The following DPY19L4 variants were observed in gnomAD, a reference collection of about 807,000 sequenced individuals.
DPY19L4 encodes the protein probable C-mannosyltransferase DPY19L4.
Under a neutral mutation model 102.8 loss-of-function variants are expected in DPY19L4, and 97 were observed. The ratio of observed to expected loss-of-function variants is 0.94; its 90% CI spans 0.80 to 1.12. The LOEUF is 1.12. Among genes scored for constraint, DPY19L4 ranks in the 50% most tolerant of loss-of-function variants. DPY19L4 has a pLI of 0.00. For missense variants in DPY19L4, 815 were observed against 850.4 expected (o/e 0.96, Z 0.52); for synonymous variants, 252 against 283.1 (o/e 0.89, Z 1.10).
chr8:94,754,159 T>C (rs1010964512), intron 6 of DPY19L4, among the ~76,000 whole-genome samples: 5 of 151,930 alleles, frequency 3.3e-5, no homozygotes, highest in African/African-American at 7.3e-5. Flanking sequence ...ACTCCAGCAA[T>C]TGGGGAGGGA....
At chr8:94,749,112 A>C (rs1355579098) in intron 6 of DPY19L4, among the ~76,000 whole-genome samples, 3 of 151,770 alleles carry the variant, frequency 2.0e-5, no homozygotes, top group African/African-American at 7.3e-5. Flanking sequence ...CACTATCACG[A>C]GAATAGCACG....
At chr8:94,787,479 T>A (rs1813704221) in intron 17 of DPY19L4, among the ~76,000 whole-genome samples, 1 of 152,108 alleles carries the variant, frequency 6.6e-6, no homozygotes, top group Non-Finnish European at 1.5e-5. Flanking sequence ...TGCAAATAGA[T>A]TGGAATCTTA....
At chr8:94,761,989 T>C (rs1273895401) in intron 8 of DPY19L4, among the ~76,000 whole-genome samples, 155 bp downstream of exon 8, 1 of 152,222 alleles carries the variant, frequency 6.6e-6, no homozygotes, top group Non-Finnish European at 1.5e-5. Flanking sequence ...TTAATATAAA[T>C]TGTTAACCAA....
chr8:94,738,418 C>T lies in DPY19L4; in HGVS notation c.302C>T (p.Ser101Phe), dbSNP rs1811286334. 1 of 1,561,958 alleles carries T rather than the reference C, an allele frequency of 6.4e-7. No individual in the cohort carries two copies. Among genetic ancestry groups the T allele is most frequent in the Non-Finnish European group, 8.6e-7 (1 of 1,156,312 alleles). Residue 101 changes from serine to phenylalanine, a missense_variant, in exon 4 of 19, where the codon TCC (serine) becomes TTC (phenylalanine). Ser to Phe is a radical substitution (Grantham distance 155). Coordinates refer to ENST00000414645, the MANE Select transcript of DPY19L4 (RefSeq NM_181787.3). ...CAGGGTGACAGTGCCATTTATTACT[C>T]CTATTATAAAGATATGTTAAAGGCA... ...TFQGDSAIYY[S>F]YYKDMLKAPS... is the part of the protein sequence containing the mutation.
intron 3 of DPY19L4, among the ~76,000 whole-genome samples, chr8:94,735,832 C>G (rs1212692838): frequency 6.6e-6 from 1 of 152,028 alleles, no homozygotes; most frequent in African/African-American, 2.4e-5. Flanking sequence ...TTTCATATAC[C>G]CAGTAGATTT....
Position 94,761,853 on chromosome 8 carries a change from ATGG to A in DPY19L4, c.870+22_870+24del. On this transcript the variant is annotated intron_variant, in intron 8 of 18. Coordinates refer to ENST00000414645, the MANE Select transcript of DPY19L4 (RefSeq NM_181787.3). ...TGACAAGGTATTATGGCATTTTGAAATGGTGATTTTTAAGAGAATAAATGTATT... is the reference window on the plus strand; with the variant it reads ...TGACAAGGTATTATGGCATTTTGAAATGATTTTTAAGAGAATAAATGTATT... 6.3e-7 allele frequency: 1 copy of A among 1,587,626 alleles called. No homozygotes were observed. Among genetic ancestry groups the A allele is most frequent in the Non-Finnish European group, 8.5e-7 (1 of 1,170,896 alleles).
chr8:94,777,866 T>C (rs1813258647), intron 14 of DPY19L4, 80 bp downstream of exon 14: 1 of 1,446,974 alleles, frequency 6.9e-7, no homozygotes, highest in Non-Finnish European at 9.3e-7. Context: ...TTGAATACAA[T>C]TGAAATAGCA....
chr8:94,780,514 C>T lies in DPY19L4; in HGVS notation c.1632+99C>T, dbSNP rs1813383203. 1.5e-5 allele frequency: 11 copies of T among 742,364 alleles called. No homozygotes were observed. In the East Asian group the frequency reaches 3.5e-4, roughly 23 times the overall value. 46.0% of individuals were successfully genotyped at this position (742,364 alleles called of 1,614,324 possible). The stretch of plus-strand genomic sequence containing the variant: ...GTAGGAAACATGTTGAGACACTATC[C>T]TAACAAAATAAAATGTAACATTCTT... On this transcript the variant is annotated intron_variant, in intron 15 of 18. Transcript: ENST00000414645.
chr8:94,720,089 T>TA (rs1207034469), intron 1 of DPY19L4, 75 bp downstream of exon 1: 1 of 1,491,082 alleles, frequency 6.7e-7, no homozygotes, highest in Non-Finnish European at 8.9e-7. Context: ...GCTGGAGGTC[T>TA]GGGTTGGAGC....
chr8:94,763,460 C>T (rs1303852250), intron 8 of DPY19L4, among the ~76,000 whole-genome samples: 1 of 151,586 alleles, frequency 6.6e-6, no homozygotes, highest in Non-Finnish European at 1.5e-5. Flanking sequence ...CCCACCTCAG[C>T]CTCCTGAGTA....
chr8:94,769,210 C>T (rs762203879), intron 12 of DPY19L4, among the ~76,000 whole-genome samples: 14 of 151,072 alleles, frequency 9.3e-5, no homozygotes, highest in Non-Finnish European at 1.3e-4. Context: ...GACAGGCATG[C>T]GCTGCCACAC....
At chr8:94,746,633 A>G (rs1421969045) in intron 6 of DPY19L4, among the ~76,000 whole-genome samples, 1 of 152,202 alleles carries the variant, frequency 6.6e-6, no homozygotes, top group Non-Finnish European at 1.5e-5. Context: ...TCATGGATTC[A>G]TGTGTTGACT....
In DPY19L4 at chr8:94,731,903, G is replaced by A. The variant is rs184944958; in HGVS notation, c.128-2727G>A. ...CCGCCTCAGCCTCCCGAGTAGCTGG[G>A]ACTACAGGTGCCCGCCACCACACCT... On this transcript the variant is annotated intron_variant, in intron 2 of 18. Transcript: ENST00000414645. Among the ~76,000 whole-genome samples, 270 of 152,194 alleles carry A rather than the reference G, an allele frequency of 1.8e-3. 1 individual carries two copies. The highest frequency in any genetic ancestry group is 3.4e-3 in the Middle Eastern group (1 of 292).
intron 8 of DPY19L4, among the ~76,000 whole-genome samples, chr8:94,763,123 G>A (rs1237244283): frequency 6.7e-6 from 1 of 150,030 alleles, no homozygotes; most frequent in Non-Finnish European, 1.5e-5. Flanking sequence ...TAGTTTTTGT[G>A]TTGTTAGTAG....
chr8:94,724,039 G>A (rs569160690), intron 1 of DPY19L4, among the ~76,000 whole-genome samples: 29 of 152,214 alleles, frequency 1.9e-4, no homozygotes, highest in Admixed American at 1.6e-3. Flanking sequence ...TTAAAGTCCT[G>A]TAAAGCGATT....
chr8:94,758,838 G>T (rs1330730239), intron 7 of DPY19L4, among the ~76,000 whole-genome samples: 1 of 151,978 alleles, frequency 6.6e-6, no homozygotes, highest in East Asian at 1.9e-4. Context: ...AAGTTCAAGC[G>T]ATTACCATGT....
intron 1 of DPY19L4, among the ~76,000 whole-genome samples, chr8:94,722,040 C>T (rs1407280806): frequency 3.9e-5 from 6 of 152,034 alleles, no homozygotes; most frequent in African/African-American, 9.7e-5. Flanking sequence ...ACCCGGGAGG[C>T]GGAGGTTGCA....
At chr8:94,768,972 T>C (rs1812799971) in intron 12 of DPY19L4, among the ~76,000 whole-genome samples, 1 of 144,236 alleles carries the variant, frequency 6.9e-6, no homozygotes, top group African/African-American at 2.6e-5. Context: ...ATTGCACCAC[T>C]GCACTCCAGC....
At chr8:94,743,266 G>C (rs113332387) in intron 6 of DPY19L4, among the ~76,000 whole-genome samples, 20,192 of 151,946 alleles carry the variant, frequency 0.13, 1,486 homozygotes, top group Non-Finnish European at 0.17. Context: ...CTGACCTCAA[G>C]TGATCCACCC....
Sources: allele counts gnomAD v4.1 joint callset (sites outside exome capture counted in the v4.1 genomes callset), GRCh38; gene constraint gnomAD v4.1.1; transcripts MANE v1.5; gene names NCBI Gene and HGNC (gene_info 2026-07-23, HGNC 2026-07-21).